MALRD1: variants seen among roughly 807,000 people sequenced by gnomAD.
MALRD1 encodes MAM and LDL receptor class A domain containing 1.
A neutral mutation model predicts 242.1 loss-of-function variants in MALRD1; 247 were observed. The ratio of observed to expected loss-of-function variants is 1.02; its 90% CI spans 0.92 to 1.13. MALRD1 has a LOEUF of 1.13. Among genes scored for constraint, MALRD1 ranks in the 50% most tolerant of loss-of-function variants. The probability of loss-of-function intolerance (pLI) is 0.00; values close to 1 mark genes in which losing one functional copy is unlikely to be tolerated. For missense variants in MALRD1, 2,989 were observed against 2,533.1 expected (o/e 1.18, Z -3.86); for synonymous variants, 995 against 866.6 (o/e 1.15, Z -2.60).
chr10:19,712,515 T>A (rs978311460), intron 38 of MALRD1, among the ~76,000 whole-genome samples: 9 of 152,188 alleles, frequency 5.9e-5, no homozygotes, highest in Non-Finnish European at 1.3e-4. Context: ...TCTAGACAGA[T>A]TCTTAACATA....
chr10:19,071,252 A>G (rs1835137803), intron 2 of MALRD1, among the ~76,000 whole-genome samples: 1 of 151,580 alleles, frequency 6.6e-6, no homozygotes, highest in South Asian at 2.1e-4. Flanking sequence ...GCATGTTTCC[A>G]TTTTGGCCAG....
chr10:19,580,932 T>C (rs912234183), intron 33 of MALRD1, among the ~76,000 whole-genome samples: 5 of 151,440 alleles, frequency 3.3e-5, no homozygotes, highest in Non-Finnish European at 7.4e-5. Context: ...TTTAGTCAAA[T>C]AGAGGTCAAA....
intron 5 of MALRD1, among the ~76,000 whole-genome samples, chr10:19,120,969 C>G (rs1186146894): frequency 6.6e-6 from 1 of 151,764 alleles, no homozygotes; most frequent in Non-Finnish European, 1.5e-5. Context: ...ATCTTGAACT[C>G]CTGACCTCAG....
At position 19,335,051 on chromosome 10, in the gene MALRD1, A is replaced by G. The variant is rs535734013; in HGVS notation, c.3901+3469A>G. On this transcript the variant is annotated intron_variant, in intron 24 of 39. Transcript: ENST00000454679. Reference sequence around the variant, plus strand: ...TGCTGATTTACCAAGGGAATCGGAAACATATTAAAAACATACTGTCTTGTT... The same window carrying G: ...TGCTGATTTACCAAGGGAATCGGAAGCATATTAAAAACATACTGTCTTGTT... 3.9e-4 allele frequency among the ~76,000 whole-genome samples: 60 copies of G among 152,248 alleles called. No homozygotes were observed. The South Asian group carries it at 9.9e-3, about 25-fold the overall frequency.
At chr10:19,672,594 T>G (rs1400774845) in intron 36 of MALRD1, among the ~76,000 whole-genome samples, 2 of 151,900 alleles carry the variant, frequency 1.3e-5, no homozygotes, top group Non-Finnish European at 2.9e-5. Context: ...CGGCTAATTT[T>G]TGTATTTTTA....
intron 38 of MALRD1, among the ~76,000 whole-genome samples, chr10:19,701,224 G>A (rs1344087983): frequency 1.3e-5 from 2 of 152,106 alleles, no homozygotes; most frequent in African/African-American, 4.8e-5. Flanking sequence ...GACCAGCCTA[G>A]CAGATGGCTA....
chr10:19,282,398 G>C (rs557520991), intron 20 of MALRD1, among the ~76,000 whole-genome samples: 1 of 152,092 alleles, frequency 6.6e-6, no homozygotes, highest in East Asian at 1.9e-4. Context: ...GTATACACAA[G>C]AATTTCATTG....
chr10:19,522,134 T>C (rs1213067395), intron 31 of MALRD1, among the ~76,000 whole-genome samples: 1 of 152,146 alleles, frequency 6.6e-6, no homozygotes, highest in East Asian at 1.9e-4. Context: ...AATCAGAGGC[T>C]CTTCATTGCC....
intron 36 of MALRD1, among the ~76,000 whole-genome samples, chr10:19,621,246 A>G (rs1442696445): frequency 6.6e-6 from 1 of 151,306 alleles, no homozygotes. Flanking sequence ...CTCCAATTCC[A>G]AGTTAAATTA....
At chr10:19,644,023 C>T (rs1330421246) in intron 36 of MALRD1, among the ~76,000 whole-genome samples, 7 of 152,120 alleles carry the variant, frequency 4.6e-5, no homozygotes, top group Non-Finnish European at 8.8e-5. Context: ...GTTCAAAGAG[C>T]TCTCTCCTCT....
intron 34 of MALRD1, among the ~76,000 whole-genome samples, chr10:19,599,779 G>A (rs1838267504): frequency 6.6e-6 from 1 of 152,124 alleles, no homozygotes; most frequent in Non-Finnish European, 1.5e-5. Context: ...CCTAGAGTGA[G>A]AAGGGAGTAC....
intron 10 of MALRD1, among the ~76,000 whole-genome samples, chr10:19,140,178 C>G (rs1833489779): frequency 6.6e-6 from 1 of 152,042 alleles, no homozygotes; most frequent in African/African-American, 2.4e-5. Flanking sequence ...TCTTATTTCA[C>G]AGAGAGCTGA....
chr10:19,212,444 A>G (rs567427090), intron 18 of MALRD1, among the ~76,000 whole-genome samples: 12 of 152,336 alleles, frequency 7.9e-5, no homozygotes, highest in Non-Finnish European at 1.3e-4. Flanking sequence ...TTCATGTTAT[A>G]GTATGTATCC....
intron 20 of MALRD1, among the ~76,000 whole-genome samples, chr10:19,282,333 A>G (rs1840858313): frequency 1.3e-5 from 2 of 152,176 alleles, no homozygotes; most frequent in African/African-American, 4.8e-5. Flanking sequence ...TCATAGTGGT[A>G]TGCTGCCACT....
At chr10:19,451,398 A>G (rs1835319211) in intron 29 of MALRD1, among the ~76,000 whole-genome samples, 1 of 152,200 alleles carries the variant, frequency 6.6e-6, no homozygotes, top group Admixed American at 6.5e-5. Flanking sequence ...TGAGAAGTAT[A>G]ACTACACTTA....
intron 36 of MALRD1, among the ~76,000 whole-genome samples, chr10:19,659,873 CT>C (rs749362633): frequency 6.6e-6 from 1 of 152,172 alleles, no homozygotes; most frequent in East Asian, 1.9e-4. Context: ...CCTATCCATG[CT>C]ATTTTGTCCC....
At chr10:19,380,789 T>A (rs1014587209) in intron 26 of MALRD1, among the ~76,000 whole-genome samples, 2 of 152,230 alleles carry the variant, frequency 1.3e-5, no homozygotes, top group Non-Finnish European at 2.9e-5. Flanking sequence ...ATTGTTGTCA[T>A]CGTTTTTAAT....
intron 36 of MALRD1, among the ~76,000 whole-genome samples, chr10:19,626,294 A>T (rs1349975925): frequency 1.5e-5 from 2 of 134,322 alleles, no homozygotes; most frequent in Non-Finnish European, 3.1e-5. Context: ...TAAAATCAAG[A>T]TTTTTTTTTT....
intron 36 of MALRD1, among the ~76,000 whole-genome samples, chr10:19,684,398 T>C (rs1183868598): frequency 6.6e-6 from 1 of 152,192 alleles, no homozygotes; most frequent in Non-Finnish European, 1.5e-5. Flanking sequence ...TTCTAAAGCA[T>C]GTAATATAAA....
Sources: allele counts gnomAD v4.1 joint callset (sites outside exome capture counted in the v4.1 genomes callset), GRCh38; gene constraint gnomAD v4.1.1; transcripts MANE v1.5; gene names NCBI Gene and HGNC (gene_info 2026-07-23, HGNC 2026-07-21).